The following BRCA1 variants were observed in gnomAD, a reference collection of about 807,000 sequenced individuals.
BRCA1 encodes the protein BRCA1 DNA repair associated, also known as breast cancer type 1 susceptibility protein.
BRCA1 carries 140 observed loss-of-function variants against 173.7 expected under a neutral mutation model. The ratio of observed to expected loss-of-function variants is 0.81; its 90% CI spans 0.70 to 0.93. The LOEUF is 0.93. BRCA1 is among the 40% of genes least tolerant of loss of function. BRCA1 has a pLI of 0.00. For missense variants in BRCA1, 1,983 were observed against 2,172.5 expected, an observed-to-expected ratio of 0.91 and a Z score of 1.73; for synonymous variants, 662 against 756.0, an observed-to-expected ratio of 0.88 and a Z score of 2.04.
At chr17:43,129,227 G>A (rs374262170), upstream of BRCA1, among the ~76,000 whole-genome samples, 54 of 152,290 alleles carry the variant, frequency 3.5e-4, no homozygotes, top group South Asian at 8.5e-3. Context: ...CATAGCTTTC[G>A]TGTTTACACA....
At position 43,094,281 on chromosome 17, in the gene BRCA1, T is replaced by C. The variant is rs80357113; in HGVS notation, c.1250A>G (p.Asn417Ser). ...AKVADVLDVL[N>S]EVDEYSGSSE... ...AGAACCAGAATATTCATCTACCTCA[T>C]TTAGAACGTCCAATACATCAGCTAC... Residue 417 changes from asparagine to serine, a missense_variant, in exon 10 of 23, where the codon AAT becomes AGT. By Grantham distance (46) the Asn-to-Ser change is conservative (BLOSUM62 1). Transcript: ENST00000357654. 28 of 1,614,180 alleles carry C rather than the reference T, an allele frequency of 1.7e-5. No individual in the cohort carries two copies. The highest frequency in any genetic ancestry group is 3.3e-4 in the Middle Eastern group (2 of 6,062).
upstream of BRCA1, among the ~76,000 whole-genome samples, chr17:43,130,213 G>A (rs2055953816): frequency 6.6e-6 from 1 of 152,092 alleles, no homozygotes; most frequent in African/African-American, 2.4e-5. Flanking sequence ...ACAGGGTCCG[G>A]CTTTGTTGCC....
chr17:43,116,104 C>T (rs541212318), intron 2 of BRCA1, among the ~76,000 whole-genome samples: 5 of 152,256 alleles, frequency 3.3e-5, no homozygotes, highest in South Asian at 2.1e-4. Flanking sequence ...TATTTTTCTG[C>T]ACTATCACTG....
intron 1 of BRCA1, chr17:43,162,370 T>C (rs1356976657): frequency 6.6e-6 from 1 of 152,196 alleles, no homozygotes; most frequent in Middle Eastern, 3.2e-3. Flanking sequence ...GGTGACTTGT[T>C]TGGGCACCCC....
intron 1 of BRCA1, among the ~76,000 whole-genome samples, chr17:43,146,298 AC>A (rs2056120869): frequency 3.4e-5 from 3 of 87,892 alleles, no homozygotes; most frequent in African/African-American, 1.4e-4. Context: ...GATTTTTGTT[AC>A]TTTTTTTTTT....
At chr17:43,060,557 TC>T (rs2051705934) in intron 18 of BRCA1, among the ~76,000 whole-genome samples, 1 of 151,966 alleles carries the variant, frequency 6.6e-6, no homozygotes. Flanking sequence ...AGTGATGCGA[TC>T]TTGGCTCACT....
At chr17:43,106,297 T>C (rs1368447121) in intron 4 of BRCA1, among the ~76,000 whole-genome samples, 159 bp downstream of exon 4, 2 of 152,112 alleles carry the variant, frequency 1.3e-5, no homozygotes, top group Non-Finnish European at 2.9e-5. Flanking sequence ...CCCATAAAAC[T>C]TTCAGGAAAA....
intron 11 of BRCA1, among the ~76,000 whole-genome samples, chr17:43,090,502 T>A (rs2053409039): frequency 1.3e-5 from 2 of 152,196 alleles, no homozygotes; most frequent in African/African-American, 4.8e-5. Context: ...GCCTCCAGAA[T>A]AGCTGGGATT....
In BRCA1 at chr17:43,045,775, A is replaced by G. The variant is rs749290001; in HGVS notation, c.5495T>C (p.Val1832Ala). Residue 1832 changes from valine to alanine, a missense_variant, in exon 23 of 23, where the codon GTG (valine) becomes GCG (alanine). Val to Ala is a moderately conservative substitution (Grantham distance 64, BLOSUM62 0). Coordinates refer to ENST00000357654, the MANE Select transcript of BRCA1 (RefSeq NM_007294.4). ...HAIGQMCEAP[V>A]VTREWVLDSV... is the part of the protein sequence containing the mutation. ...GTCCAACACCCACTCTCGGGTCACC[A>G]CAGGTGCCTCACACATCTGCCCAAT... 1 of 1,614,196 alleles carries G rather than the reference A, an allele frequency of 6.2e-7. No homozygotes were observed. Among genetic ancestry groups the G allele is most frequent in the South Asian group, 1.1e-5 (1 of 91,084 alleles).
chr17:43,157,294 A>G (rs1012070608), intron 1 of BRCA1, among the ~76,000 whole-genome samples: 12 of 152,234 alleles, frequency 7.9e-5, no homozygotes, highest in Middle Eastern at 3.2e-3. Context: ...CAGGAATCAC[A>G]TATTAAGACA....
At chr17:43,074,265 ATATCTT>A in intron 14 of BRCA1, 60 bp downstream of exon 14, 1 of 1,580,656 alleles carries the variant, frequency 6.3e-7, no homozygotes. Flanking sequence ...GTTAACCAGA[ATATCTT>A]TATGTAGGAT....
intron 1 of BRCA1, chr17:43,161,270 A>T (rs4344792): frequency 6.6e-6 from 1 of 152,206 alleles, no homozygotes; most frequent in South Asian, 2.1e-4. Context: ...CGTATGATTC[A>T]GTTGATCATA....
intron 3 of BRCA1, among the ~76,000 whole-genome samples, chr17:43,112,966 T>C (rs535947765): frequency 5.3e-4 from 81 of 151,952 alleles, no homozygotes; most frequent in African/African-American, 1.8e-3. Context: ...TCCACGCCCG[T>C]CTAATTTTGT....
chr17:43,079,462 A>T (rs564288136), intron 12 of BRCA1: 22 of 1,431,738 alleles, frequency 1.5e-5, no homozygotes, highest in Non-Finnish European at 2.1e-5. Flanking sequence ...GGAATGCCCC[A>T]CAAGTGTTAC....
Position 43,082,524 on chromosome 17 carries a change from C to G in BRCA1, c.4237G>C (p.Glu1413Gln), listed in dbSNP as rs397509153. The change falls in exon 12 of 23, where the codon GAA becomes CAA. Residue 1413 changes from glutamate (E) to glutamine (Q), a missense_variant. Coordinates refer to ENST00000357654, the MANE Select transcript of BRCA1 (RefSeq NM_007294.4). ...TGCTGTTCTAACACAGCTTCTAGTT[C>G]AGCCATTTCCTGCTGGAGCTTTATC... ...NLIKLQQEMAELEAVLEQHGS... is the reference protein window; with the variant it reads ...NLIKLQQEMAQLEAVLEQHGS... 1.2e-6 allele frequency: 2 copies of G among 1,614,188 alleles called. No homozygotes were observed. The highest frequency in any genetic ancestry group is 1.7e-6 in the Non-Finnish European group (2 of 1,180,024).
intron 19 of BRCA1, among the ~76,000 whole-genome samples, chr17:43,056,175 T>C (rs1490256626): frequency 1.5e-5 from 2 of 133,188 alleles, no homozygotes; most frequent in African/African-American, 6.4e-5. Flanking sequence ...TAAAGTGATC[T>C]TTTTTTTTTT....
chr17:43,133,746 T>C (rs182888031), intron 1 of BRCA1, among the ~76,000 whole-genome samples: 86 of 151,262 alleles, frequency 5.7e-4, no homozygotes, highest in Non-Finnish European at 9.6e-4. Flanking sequence ...GCAATTATCA[T>C]ACCTTAGCCT....
At chr17:43,132,966 G>A (rs1341783332) in intron 1 of BRCA1, 1 of 151,898 alleles carries the variant, frequency 6.6e-6, no homozygotes, top group Admixed American at 6.6e-5. Context: ...TAGAGACGGG[G>A]TTTCACTGTG....
rs8176214 is a variant in BRCA1, at chr17:43,073,822, T to C, written c.4675+509A>G. ...CAGACTGGAGTGCAGTGGTGTGATC[T>C]TGGCTCACCGCAACCTCCGCCTCCC... is the stretch of plus-strand genomic sequence containing the variant. On this transcript the variant is annotated intron_variant, in intron 14 of 22. Coordinates refer to ENST00000357654, the MANE Select transcript of BRCA1 (RefSeq NM_007294.4). 0.32 allele frequency among the ~76,000 whole-genome samples: 48,144 copies of C among 151,826 alleles called. 7,943 individuals carry two copies. The highest frequency in any genetic ancestry group is 0.49 in the South Asian group (2,369 of 4,810).
Sources: allele counts gnomAD v4.1 joint callset (sites outside exome capture counted in the v4.1 genomes callset), GRCh38; gene constraint gnomAD v4.1.1; transcripts MANE v1.5; gene names NCBI Gene and HGNC (gene_info 2026-07-23, HGNC 2026-07-21).